ENTREP1: variants seen among roughly 807,000 people sequenced by gnomAD.
ENTREP1 encodes the protein endosomal transmembrane epsin interactor 1, also known as Friedreich ataxia region gene X123.
At chr9:69,363,987 A>C in the ENTREP1 span, among the ~76,000 whole-genome samples, 1 of 152,188 alleles carries the variant, frequency 6.6e-6, no homozygotes, top group African/African-American at 2.4e-5. Context: ...ATGTAACTGC[A>C]GATTTATCTT....
At chr9:69,332,480 A>G in the ENTREP1 span, among the ~76,000 whole-genome samples, 2 of 152,234 alleles carry the variant, frequency 1.3e-5, no homozygotes, top group African/African-American at 4.8e-5. Flanking sequence ...TTGGCTATTC[A>G]TTTAATATTG....
the ENTREP1 span, among the ~76,000 whole-genome samples, chr9:69,374,849 GT>G: frequency 3.3e-5 from 5 of 152,140 alleles, no homozygotes; most frequent in African/African-American, 1.2e-4. Flanking sequence ...GTGAGAATAA[GT>G]TTTTAGAAAT....
At chr9:69,375,771 T>C in the ENTREP1 span, 4 of 1,613,864 alleles carry the variant, frequency 2.5e-6, no homozygotes, top group Non-Finnish European at 3.4e-6. Flanking sequence ...GCTTCTGTTG[T>C]GAAGAATTTC....
chr9:69,385,458 A>G, the ENTREP1 span, among the ~76,000 whole-genome samples: 1 of 151,998 alleles, frequency 6.6e-6, no homozygotes, highest in Non-Finnish European at 1.5e-5. Context: ...GCTTTTCAGT[A>G]CTGCCCCAGA....
At chr9:69,329,736 A>G in the ENTREP1 span, 3 of 922,464 alleles carry the variant, frequency 3.3e-6, no homozygotes, top group Non-Finnish European at 3.7e-6. Context: ...GTCTGTCTTC[A>G]GCTGTGCTGT....
chr9:69,382,959 T>C, the ENTREP1 span: 3 of 941,646 alleles, frequency 3.2e-6, no homozygotes, highest in Non-Finnish European at 3.8e-6. Context: ...TTTTAAAACT[T>C]AGGTTCATCA....
the ENTREP1 span, among the ~76,000 whole-genome samples, chr9:69,335,341 G>A: frequency 3.9e-5 from 6 of 152,108 alleles, no homozygotes; most frequent in South Asian, 2.1e-4. Context: ...AGTGTGGAGC[G>A]GTGGAATCAG....
the ENTREP1 span, among the ~76,000 whole-genome samples, chr9:69,391,084 T>G: frequency 6.6e-6 from 1 of 152,122 alleles, no homozygotes; most frequent in South Asian, 2.1e-4. Context: ...GCGCCTATAC[T>G]TGGTTGACAT....
At chr9:69,341,941 A>G in the ENTREP1 span, among the ~76,000 whole-genome samples, 1 of 152,122 alleles carries the variant, frequency 6.6e-6, no homozygotes, top group Non-Finnish European at 1.5e-5. Flanking sequence ...GTCTAAACCA[A>G]TAAGTGGCTT....
the ENTREP1 span, among the ~76,000 whole-genome samples, chr9:69,355,030 A>G: frequency 1.3e-5 from 2 of 152,160 alleles, no homozygotes; most frequent in Non-Finnish European, 2.9e-5. Flanking sequence ...AAATACTCCC[A>G]TGCAGCCTCG....
At chr9:69,367,666 T>C in the ENTREP1 span, among the ~76,000 whole-genome samples, 9 of 42,502 alleles carry the variant, frequency 2.1e-4, no homozygotes, top group African/African-American at 5.0e-4. Flanking sequence ...AATATATATA[T>C]ACACACATAT....
At chr9:69,361,867 G>C in the ENTREP1 span, among the ~76,000 whole-genome samples, 1 of 152,096 alleles carries the variant, frequency 6.6e-6, no homozygotes, top group Non-Finnish European at 1.5e-5. Context: ...CAGGACCACT[G>C]AGTCAATTCA....
chr9:69,348,674 A>G, the ENTREP1 span, among the ~76,000 whole-genome samples: 1 of 152,210 alleles, frequency 6.6e-6, no homozygotes, highest in Non-Finnish European at 1.5e-5. Context: ...CATTCTGGAT[A>G]TTTCAAATAA....
the ENTREP1 span, among the ~76,000 whole-genome samples, chr9:69,344,988 C>T: frequency 6.6e-6 from 1 of 152,158 alleles, no homozygotes; most frequent in South Asian, 2.1e-4. Context: ...TGCTTAAGAC[C>T]ATGATTTTTC....
At chr9:69,378,890 C>T in the ENTREP1 span, among the ~76,000 whole-genome samples, 1 of 152,098 alleles carries the variant, frequency 6.6e-6, no homozygotes, top group African/African-American at 2.4e-5. Flanking sequence ...CAGTCTAGGT[C>T]ATTAAAATGT....
chr9:69,354,908 C>G, the ENTREP1 span, among the ~76,000 whole-genome samples: 9 of 152,134 alleles, frequency 5.9e-5, no homozygotes, highest in African/African-American at 9.7e-5. Context: ...ATCCCCACAC[C>G]ATATCCATTA....
the ENTREP1 span, among the ~76,000 whole-genome samples, chr9:69,352,253 G>C: frequency 6.6e-6 from 1 of 152,130 alleles, no homozygotes; most frequent in East Asian, 1.9e-4. Flanking sequence ...CAAGTAGCTG[G>C]GATTATAGGC....
chr9:69,349,728 C>T, the ENTREP1 span, among the ~76,000 whole-genome samples: 118 of 152,192 alleles, frequency 7.8e-4, no homozygotes, highest in African/African-American at 2.4e-3. Flanking sequence ...TAACGCACCT[C>T]GAGCATCATA....
At chr9:69,382,038 G>C in the ENTREP1 span, 1 of 152,494 alleles carries the variant, frequency 6.6e-6, no homozygotes, top group East Asian at 1.9e-4. Context: ...TTCCAGGCAG[G>C]GGACACAGCA....
Sources: gnomAD v4.1 joint callset for allele counts (sites outside exome capture counted in the v4.1 genomes callset) on GRCh38, gnomAD v4.1.1 for gene constraint, MANE v1.5 for transcripts, NCBI Gene and HGNC (gene_info 2026-07-23, HGNC 2026-07-21) for gene names.